The following SP1 variants were observed in gnomAD, a reference collection of about 807,000 sequenced individuals.
SP1 encodes the protein Sp1 transcription factor, also known as transcription factor Sp1.
SP1 carries 6 observed loss-of-function variants against 66.3 expected under a neutral mutation model. The observed-to-expected ratio is 0.09, with a 90% CI of 0.05 to 0.18. SP1 has a LOEUF of 0.18. Ranked by LOEUF, SP1 falls within the 10% of genes least tolerant of loss-of-function variation. SP1 has a pLI of 1.00. For synonymous variants in SP1, 417 were observed against 360.8 expected (o/e 1.16, Z -1.77); for missense variants, 848 against 964.5 (o/e 0.88, Z 1.60).
intron 3 of SP1, among the ~76,000 whole-genome samples, chr12:53,397,579 CTTTTTTTTT>C (rs1938518389): frequency 6.9e-6 from 1 of 144,036 alleles, no homozygotes; most frequent in African/African-American, 2.6e-5. Context: ...ACTCTTTTTC[CTTTTTTTTT>C]CTTTTTTTTT....
intron 3 of SP1, among the ~76,000 whole-genome samples, chr12:53,398,874 T>C (rs1423692197): frequency 6.6e-6 from 1 of 152,230 alleles, no homozygotes; most frequent in Non-Finnish European, 1.5e-5. Flanking sequence ...TAAAATTTAC[T>C]GAAATTTGTC....
intron 3 of SP1, among the ~76,000 whole-genome samples, chr12:53,396,519 G>C (rs1938493975): frequency 6.6e-6 from 1 of 150,540 alleles, no homozygotes; most frequent in African/African-American, 2.5e-5. Flanking sequence ...GGTTAGCCGA[G>C]ATCATGCCAC....
At chr12:53,406,476 T>C in intron 3 of SP1, 109 bp from the exon 4 acceptor site, 2 of 889,766 alleles carry the variant, frequency 2.2e-6, no homozygotes, top group Non-Finnish European at 3.5e-6. Context: ...ATACTGTGAA[T>C]GTAGGATGTC....
In SP1 at chr12:53,413,924, TA is replaced by T; in HGVS notation, c.*2685del. On this transcript the variant is annotated 3_prime_UTR_variant, in exon 6 of 6. Transcript: ENST00000327443. ...TACCATGAGTGAATTTATATCTAAT[TA>T]TTTCCACTTGCCCTGTTCTCTTCAC... The T allele has an allele frequency of 6.6e-6, 1 of 152,312 alleles. No individual in the cohort carries two copies. Among genetic ancestry groups the T allele is most frequent in the East Asian group, 1.9e-4 (1 of 5,188 alleles). 9.4% of individuals were successfully genotyped at this position (152,312 alleles called of 1,614,324 possible). A position where few individuals can be genotyped will look rare whatever the true frequency, so the allele number is the denominator to read the frequency against.
chr12:53,392,830 T>C (rs906169957), intron 3 of SP1, among the ~76,000 whole-genome samples: 4 of 146,446 alleles, frequency 2.7e-5, no homozygotes, highest in Non-Finnish European at 6.0e-5. Flanking sequence ...TTTGTTGTTG[T>C]TGCTGTTTTT....
chr12:53,404,307 G>A (rs958946369), intron 3 of SP1, among the ~76,000 whole-genome samples: 53 of 152,194 alleles, frequency 3.5e-4, no homozygotes, highest in African/African-American at 1.3e-3. Context: ...CAAGGCGGGC[G>A]GATCACAAGG....
chr12:53,414,247 G>C lies in SP1; in HGVS notation c.*3007G>C, dbSNP rs1258183682. The C allele has an allele frequency of 3.3e-5, 5 of 152,534 alleles. No individual in the cohort carries two copies. Among genetic ancestry groups the C allele is most frequent in the African/African-American group, 1.2e-4 (5 of 41,432 alleles). 9.4% of individuals were successfully genotyped at this position (152,534 alleles called of 1,614,324 possible). A position where few individuals can be genotyped will look rare whatever the true frequency, so the allele number is the denominator to read the frequency against. On this transcript the variant is annotated 3_prime_UTR_variant, in exon 6 of 6. Transcript: ENST00000327443. ...AAACTTGCAGGGCAGGGGATGCCCAGAAGAGTGGTGAGATAGTAAAACACT... is the reference window on the plus strand; with the variant it reads ...AAACTTGCAGGGCAGGGGATGCCCACAAGAGTGGTGAGATAGTAAAACACT...
intron 1 of SP1, among the ~76,000 whole-genome samples, chr12:53,380,946 CTTT>C (rs35296566): frequency 2.2e-3 from 220 of 100,790 alleles, no homozygotes; most frequent in Admixed American, 0.018. Flanking sequence ...TTTTGTTTGT[CTTT>C]TTTTTTTTTT....
intron 5 of SP1, 67 bp downstream of exon 5, chr12:53,409,628 C>G: frequency 1.6e-6 from 2 of 1,262,472 alleles, no homozygotes; most frequent in South Asian, 1.3e-5. Flanking sequence ...AATATACCTA[C>G]AAAATAACTA....
In SP1 at chr12:53,412,092, T is replaced by C. The variant is rs1272021509; in HGVS notation, c.*852T>C. The C allele has an allele frequency of 6.6e-6, 1 of 152,204 alleles. No individual in the cohort carries two copies. 9.4% of individuals were successfully genotyped at this position (152,204 alleles called of 1,614,324 possible). A position where few individuals can be genotyped will look rare whatever the true frequency, so the allele number is the denominator to read the frequency against. ...GAAAAATCCTTGAAGCCCAGGCTGA[T>C]GCTTGAAGTAACTGTGGAGGGAGTG... is the stretch of plus-strand genomic sequence containing the variant. On this transcript the variant is annotated 3_prime_UTR_variant, in exon 6 of 6. Transcript: ENST00000327443.
chr12:53,401,267 A>C (rs888815572), intron 3 of SP1, among the ~76,000 whole-genome samples: 1 of 151,572 alleles, frequency 6.6e-6, no homozygotes, highest in Non-Finnish European at 1.5e-5. Flanking sequence ...CCTGACCAAC[A>C]TGGTGAAACC....
intron 3 of SP1, among the ~76,000 whole-genome samples, chr12:53,396,262 C>G (rs968197082): frequency 2.7e-5 from 4 of 146,324 alleles, no homozygotes; most frequent in Non-Finnish European, 6.0e-5. Flanking sequence ...GCCTGGGTGA[C>G]AGACTCCGTC....
intron 3 of SP1, among the ~76,000 whole-genome samples, chr12:53,396,247 C>T (rs1021125856): frequency 4.6e-5 from 7 of 150,718 alleles, no homozygotes; most frequent in Admixed American, 1.3e-4. Flanking sequence ...CGCCACTGCA[C>T]TCCAGCCTGG....
intron 3 of SP1, among the ~76,000 whole-genome samples, chr12:53,386,134 GAAAAAC>G (rs1938224713): frequency 6.6e-6 from 1 of 152,012 alleles, no homozygotes; most frequent in Admixed American, 6.6e-5. Flanking sequence ...CTAGTTATCT[GAAAAAC>G]AAAATCCCAT....
At chr12:53,387,520 G>A (rs548379739) in intron 3 of SP1, among the ~76,000 whole-genome samples, 1 of 152,290 alleles carries the variant, frequency 6.6e-6, no homozygotes, top group Non-Finnish European at 1.5e-5. Flanking sequence ...AGAATTGAAA[G>A]TTAGAGCTGG....
Position 53,382,533 on chromosome 12 carries a change from G to C in SP1, c.586G>C (p.Val196Leu). The change falls in exon 3 of 6, where the codon GTG (valine) becomes CTG (leucine). Residue 196 changes from valine to leucine, a missense_variant. Coordinates refer to ENST00000327443, the MANE Select transcript of SP1 (RefSeq NM_138473.3). ...GCAGTTTGCTGCCACTGGGGCCCAAGTGCAGCAGGATGGTTCTGGTCAAAT... is the reference window on the plus strand; with the variant it reads ...GCAGTTTGCTGCCACTGGGGCCCAACTGCAGCAGGATGGTTCTGGTCAAAT... ...QLQFAATGAQ[V>L]QQDGSGQIQI... 6.2e-7 allele frequency: 1 copy of C among 1,614,186 alleles called. No homozygotes were observed. The highest frequency in any genetic ancestry group is 1.1e-5 in the South Asian group (1 of 91,086).
intron 3 of SP1, among the ~76,000 whole-genome samples, chr12:53,404,367 T>TA (rs374934397): frequency 9.9e-5 from 15 of 151,670 alleles, no homozygotes; most frequent in African/African-American, 2.7e-4. Context: ...CCATCTCTAC[T>TA]AAAAAAATAC....
chr12:53,382,203 C>G lies in SP1; in HGVS notation c.256C>G (p.Gln86Glu), dbSNP rs779922834. ...CAGCAACAACTCCCAGGGCCCGAGT[C>G]AGTCAGGGGGAACAGGTGAGCTTGA... Reference protein sequence around the residue: ...ENSNNSQGPSQSGGTGELDLT... With the variant: ...ENSNNSQGPSESGGTGELDLT... Residue 86 changes from glutamine to glutamate, a missense_variant, in exon 3 of 6, where the codon CAG becomes GAG. Coordinates refer to ENST00000327443, the MANE Select transcript of SP1 (RefSeq NM_138473.3). The G allele has an allele frequency of 3.7e-6, 6 of 1,614,080 alleles. No individual in the cohort carries two copies. The highest frequency in any genetic ancestry group is 1.3e-5 in the African/African-American group (1 of 74,928).
At chr12:53,386,306 A>T (rs1938228956) in intron 3 of SP1, among the ~76,000 whole-genome samples, 1 of 151,808 alleles carries the variant, frequency 6.6e-6, no homozygotes, top group Non-Finnish European at 1.5e-5. Flanking sequence ...GGAGTGGGGG[A>T]TGTAGGATTG....
Sources: allele counts gnomAD v4.1 joint callset (sites outside exome capture counted in the v4.1 genomes callset), GRCh38; gene constraint gnomAD v4.1.1; transcripts MANE v1.5; gene names NCBI Gene and HGNC (gene_info 2026-07-23, HGNC 2026-07-21).